The following HERC1 variants were observed in gnomAD, a reference collection of about 807,000 sequenced individuals.
HERC1 encodes probable E3 ubiquitin-protein ligase HERC1.
HERC1 carries 160 observed loss-of-function variants against 554.3 expected under a neutral mutation model. That is an observed-to-expected ratio of 0.29 (90% CI 0.25 to 0.33). The LOEUF (loss-of-function observed/expected upper bound fraction) is 0.33. HERC1 is among the 10% of genes least tolerant of loss of function. HERC1 has a pLI of 1.00. For synonymous variants in HERC1, 2,175 were observed against 2,131.7 expected (o/e 1.02, Z -0.56); for missense variants, 4,919 against 5,918.5 (o/e 0.83, Z 5.54).
chr15:63,775,576 C>A lies in HERC1; in HGVS notation c.48G>T (p.Leu16Phe). 6.2e-7 allele frequency: 1 copy of A among 1,610,682 alleles called. No individual in the cohort carries two copies. The highest frequency in any genetic ancestry group is 1.1e-5 in the South Asian group (1 of 90,302). The part of the protein sequence containing the change: ...PPVKLKWLEH[L>F]NSSWITEDSE... ...TGTCCTCTGTAATCCAGGAGCTGTT[C>A]AAGTGTTCAAGCCATTTCAGCTTCA... The change falls in exon 2 of 78, where the codon TTG becomes TTT. Residue 16 changes from leucine to phenylalanine, a missense_variant. Leu to Phe is a conservative substitution (Grantham distance 22). Transcript: ENST00000443617. The surrounding 1 kb of genome is among the most constrained non-coding windows in gnomAD (Gnocchi z 4.0).
At chr15:63,747,649 A>C (rs2075103276) in intron 11 of HERC1, 75 bp downstream of exon 11, 1 of 812,030 alleles carries the variant, frequency 1.2e-6, no homozygotes. Flanking sequence ...AAAACTCAAA[A>C]GGAATAATTT....
intron 1 of HERC1, among the ~76,000 whole-genome samples, chr15:63,796,657 T>A (rs1190994998): frequency 6.6e-6 from 1 of 152,152 alleles, no homozygotes; most frequent in East Asian, 1.9e-4. Flanking sequence ...TAGGGAGACA[T>A]GGGATATCAA....
At chr15:63,644,270 A>C (rs1441421305) in intron 57 of HERC1, among the ~76,000 whole-genome samples, 2 of 152,240 alleles carry the variant, frequency 1.3e-5, no homozygotes, top group Non-Finnish European at 2.9e-5. Flanking sequence ...GAGCAAAAGG[A>C]AGGCAACAGA....
Position 63,659,949 on chromosome 15 carries a change from T to A in HERC1, c.9224-13A>T. 2.6e-6 allele frequency: 4 copies of A among 1,549,576 alleles called. No individual in the cohort carries two copies. The highest frequency in any genetic ancestry group is 3.6e-6 in the Non-Finnish European group (4 of 1,126,430). ...ATGTCCCAGTCTTCTGGAATTTAAA[T>A]AAATAAATGTATAGTATGTGAATTT... On this transcript the variant is annotated splice_polypyrimidine_tract_variant and intron_variant, in intron 46 of 77. Transcript: ENST00000443617.
intron 27 of HERC1, among the ~76,000 whole-genome samples, chr15:63,695,189 C>T (rs1320821745): frequency 6.6e-6 from 1 of 151,830 alleles, no homozygotes; most frequent in African/African-American, 2.4e-5. Flanking sequence ...GCACATACCA[C>T]CACACTTGGC....
At chr15:63,780,590 T>C (rs1447747119) in intron 1 of HERC1, 2 of 151,894 alleles carry the variant, frequency 1.3e-5, no homozygotes, top group Non-Finnish European at 2.9e-5. Context: ...GGCGTGGTGG[T>C]GGGCACCTGT....
intron 36 of HERC1, among the ~76,000 whole-genome samples, 171 bp downstream of exon 36, chr15:63,679,906 T>C (rs2071393163): frequency 6.6e-6 from 1 of 152,206 alleles, no homozygotes; most frequent in South Asian, 2.1e-4. Flanking sequence ...GCCTTAATAT[T>C]AATATATCGT....
rs772407787 is a variant in HERC1 at position 63,716,284 on chromosome 15, T to A, written c.4150+18A>T. On this transcript the variant is annotated intron_variant, in intron 22 of 77. Coordinates refer to ENST00000443617, the MANE Select transcript of HERC1 (RefSeq NM_003922.4). ...CATGCCACAGTTTGTATCTAGAAAG[T>A]AAGAAGGGTATACTCACTGCCAGCT... 4 of 1,587,818 alleles carry A rather than the reference T, an allele frequency of 2.5e-6. No individual in the cohort carries two copies. In the East Asian group the frequency reaches 9.2e-5, roughly 36 times the overall value.
chr15:63,742,052 C>T (rs917574736), intron 12 of HERC1, among the ~76,000 whole-genome samples: 7 of 152,196 alleles, frequency 4.6e-5, no homozygotes, highest in Non-Finnish European at 7.3e-5. Context: ...AGTGATTGCA[C>T]TCAATCTGTG....
intron 74 of HERC1, among the ~76,000 whole-genome samples, chr15:63,618,680 G>T (rs979613892): frequency 2.0e-5 from 3 of 152,060 alleles, no homozygotes; most frequent in African/African-American, 7.2e-5. Flanking sequence ...TTATTTCCTT[G>T]AGCAGTGGTT....
intron 24 of HERC1, among the ~76,000 whole-genome samples, chr15:63,709,347 T>C (rs1235062949): frequency 6.6e-6 from 1 of 152,048 alleles, no homozygotes; most frequent in African/African-American, 2.4e-5. Flanking sequence ...TTAGTCTTTT[T>C]AAAAATTTTC....
At chr15:63,751,602 C>T (rs1412325581) in intron 8 of HERC1, among the ~76,000 whole-genome samples, 2 of 152,068 alleles carry the variant, frequency 1.3e-5, no homozygotes, top group African/African-American at 4.8e-5. Context: ...GAAGTCAGTA[C>T]AGAAGAGGCC....
Position 63,764,193 on chromosome 15 carries a change from T to C in HERC1, c.931-2A>G. On this transcript the variant is annotated splice_acceptor_variant, in intron 2 of 77. Coordinates refer to ENST00000443617, the MANE Select transcript of HERC1 (RefSeq NM_003922.4). LOFTEE classifies it high-confidence loss of function. ...CTGACTCCGATCAGCAGATGAACCC[T>C]ATAATTAAAACATTGCGGGACACAG... 6.2e-7 allele frequency: 1 copy of C among 1,600,182 alleles called. No individual in the cohort carries two copies. The highest frequency in any genetic ancestry group is 8.5e-7 in the Non-Finnish European group (1 of 1,170,538).
Position 63,697,446 on chromosome 15 carries a change from C to G in HERC1, c.4906-1107G>C, listed in dbSNP as rs1039127526. On this transcript the variant is annotated intron_variant, in intron 26 of 77. Transcript: ENST00000443617. ...ATGACTTAATACAGGTGATGTTAAT[C>G]TTGATTTTTTTTTTTTTTTTTTTTT... 6.1e-5 allele frequency among the ~76,000 whole-genome samples: 8 copies of G among 132,032 alleles called. 1 individual carries two copies. The highest frequency in any genetic ancestry group is 4.7e-5 in the Non-Finnish European group (3 of 63,194). 86.6% of individuals were successfully genotyped at this position (132,032 alleles called of 152,430 possible).
At chr15:63,798,482 C>T (rs1011228305) in intron 1 of HERC1, among the ~76,000 whole-genome samples, 4 of 151,834 alleles carry the variant, frequency 2.6e-5, no homozygotes, top group African/African-American at 7.3e-5. Flanking sequence ...AGCCTTCAAA[C>T]CACTGCTTCT....
chr15:63,676,045 A>T (rs2071186437), intron 37 of HERC1, among the ~76,000 whole-genome samples: 1 of 152,060 alleles, frequency 6.6e-6, no homozygotes, highest in African/African-American at 2.4e-5. Flanking sequence ...CTGGGATTAC[A>T]GGCGCACGCC....
chr15:63,767,940 T>C (rs966585446), intron 2 of HERC1, among the ~76,000 whole-genome samples: 8 of 152,160 alleles, frequency 5.3e-5, no homozygotes, highest in African/African-American at 1.7e-4. Context: ...ATAGCTTCCT[T>C]TTCTCCAAGA....
rs2070253368 is a variant in HERC1, at chr15:63,659,721, A to T, written c.9424+15T>A. The T allele has an allele frequency of 6.3e-7, 1 of 1,583,834 alleles. No individual in the cohort carries two copies. Among genetic ancestry groups the T allele is most frequent in the Admixed American group, 1.7e-5 (1 of 59,834 alleles). ...AGATGCTATAAAATCAATGCAAATC[A>T]GGATTTCAGTTTACCTATTTGCATC... On this transcript the variant is annotated intron_variant, in intron 47 of 77. Transcript: ENST00000443617.
intron 71 of HERC1, among the ~76,000 whole-genome samples, chr15:63,624,613 T>G (rs2068221634): frequency 6.6e-6 from 1 of 152,182 alleles, no homozygotes; most frequent in Non-Finnish European, 1.5e-5. Flanking sequence ...GTGGATCACC[T>G]GAGTCCAAGG....
Sources: allele counts gnomAD v4.1 joint callset (sites outside exome capture counted in the v4.1 genomes callset), GRCh38; gene constraint gnomAD v4.1.1; non-coding constraint Gnocchi (gnomAD v3.1); transcripts MANE v1.5; gene names NCBI Gene and HGNC (gene_info 2026-07-23, HGNC 2026-07-21).